The following PKD1L1 variants were observed in gnomAD, a reference collection of about 807,000 sequenced individuals.
The protein encoded by PKD1L1 is polycystin-1-like protein 1.
In PKD1L1, 236 loss-of-function variants were observed where a neutral mutation model predicts 323.4. The ratio of observed to expected loss-of-function variants is 0.73; its 90% CI spans 0.66 to 0.81. PKD1L1 has a LOEUF of 0.81. PKD1L1 is among the 40% of genes least tolerant of loss of function. The pLI, the probability that PKD1L1 is intolerant of heterozygous loss-of-function variation, is 0.00. For missense variants in PKD1L1, 3,320 were observed against 3,508.0 expected (o/e 0.95, Z 1.35); for synonymous variants, 1,344 against 1,335.0 (o/e 1.01, Z -0.15).
At chr7:47,812,180 G>A (rs978726074) in intron 49 of PKD1L1, 129 bp from the exon 50 acceptor site, 2 of 698,482 alleles carry the variant, frequency 2.9e-6, no homozygotes, top group Non-Finnish European at 4.9e-6. Context: ...CACAGTGCCT[G>A]GGCTTCAAGG....
chr7:47,798,148 A>G (rs898289566), intron 54 of PKD1L1, among the ~76,000 whole-genome samples: 17 of 152,224 alleles, frequency 1.1e-4, no homozygotes, highest in African/African-American at 3.9e-4. Flanking sequence ...TCAAAACAGA[A>G]CAAAGCTGGA....
chr7:47,785,167 C>A (rs1014552208), intron 56 of PKD1L1, among the ~76,000 whole-genome samples: 2 of 152,156 alleles, frequency 1.3e-5, no homozygotes, highest in Non-Finnish European at 2.9e-5. Flanking sequence ...CCTGAGCATA[C>A]CTCATTTGAA....
intron 56 of PKD1L1, among the ~76,000 whole-genome samples, chr7:47,781,029 G>A (rs774821379): frequency 2.9e-4 from 44 of 152,178 alleles, no homozygotes; most frequent in South Asian, 2.1e-4. Flanking sequence ...AGTAATGTAT[G>A]AGTGATGTGG....
intron 46 of PKD1L1, chr7:47,819,744 G>C (rs1785101796): frequency 2.7e-6 from 1 of 366,802 alleles, no homozygotes; most frequent in Non-Finnish European, 5.1e-6. Flanking sequence ...TCACAACACT[G>C]ACAAAGGGGA....
At chr7:47,920,341 G>C (rs760351858) in intron 7 of PKD1L1, among the ~76,000 whole-genome samples, 6 of 148,706 alleles carry the variant, frequency 4.0e-5, no homozygotes, top group Admixed American at 6.7e-5. Flanking sequence ...CCAAGGAGGT[G>C]AAAGGCCTTT....
chr7:47,915,901 A>G (rs1349020211), intron 7 of PKD1L1, among the ~76,000 whole-genome samples: 1 of 152,212 alleles, frequency 6.6e-6, no homozygotes, highest in Non-Finnish European at 1.5e-5. Context: ...TAACTAGTGG[A>G]GAAATTAAAA....
At position 47,905,363 on chromosome 7, in the gene PKD1L1, T is replaced by A. The variant is rs116654794; in HGVS notation, c.1523-38A>T. 4 of 1,596,326 alleles carry A rather than the reference T, an allele frequency of 2.5e-6. No homozygotes were observed. In the African/African-American group the frequency reaches 4.0e-5, roughly 16 times the overall value. Reference sequence around the variant, plus strand: ...AAAGGAAGGTATGTCTATGTCAACATAGGAGGGCTGGAATCTCCAGAGAAA... The same window carrying A: ...AAAGGAAGGTATGTCTATGTCAACAAAGGAGGGCTGGAATCTCCAGAGAAA... On this transcript the variant is annotated intron_variant, in intron 10 of 56. Coordinates refer to ENST00000289672, the MANE Select transcript of PKD1L1 (RefSeq NM_138295.5).
intron 32 of PKD1L1, among the ~76,000 whole-genome samples, chr7:47,845,774 T>C (rs1313741400): frequency 6.6e-6 from 1 of 151,976 alleles, no homozygotes; most frequent in African/African-American, 2.4e-5. Context: ...AGAGATGGGG[T>C]TTCGCTATGT....
At chr7:47,862,626 T>TAATAATTACCTTC (rs1270953645) in intron 26 of PKD1L1, among the ~76,000 whole-genome samples, 68 of 152,224 alleles carry the variant, frequency 4.5e-4, no homozygotes, top group African/African-American at 1.6e-3. Flanking sequence ...GAGAGGATAA[T>TAATAATTACCTTC]AATAATTACC....
At chr7:47,931,426 G>C (rs1787770043) in intron 5 of PKD1L1, 105 bp from the exon 6 acceptor site, 9 of 1,191,642 alleles carry the variant, frequency 7.6e-6, no homozygotes, top group Non-Finnish European at 1.1e-5. Flanking sequence ...CAGCCCCACT[G>C]CTACTGAGGT....
At position 47,943,428 on chromosome 7, in the gene PKD1L1, C is replaced by A. The variant is rs199842380; in HGVS notation, c.128G>T (p.Ser43Ile). The change falls in exon 2 of 57, where the codon AGC becomes ATC. Residue 43 changes from serine (S) to isoleucine (I), a missense_variant. Transcript: ENST00000289672. The part of the protein sequence containing the change: ...TDKSWGLHLC[S>I]CSPPGGGLWV... ...CAATCCACCTCCAGGAGGGCTACAGCTGCACAGATGAAGACCCCAGCTCTT... is the reference window on the plus strand; with the variant it reads ...CAATCCACCTCCAGGAGGGCTACAGATGCACAGATGAAGACCCCAGCTCTT... 6.2e-7 allele frequency: 1 copy of A among 1,613,586 alleles called. No individual in the cohort carries two copies. The highest frequency in any genetic ancestry group is 2.2e-5 in the East Asian group (1 of 44,856).
At chr7:47,838,063 T>C (rs1015880736) in intron 36 of PKD1L1, among the ~76,000 whole-genome samples, 1 of 152,238 alleles carries the variant, frequency 6.6e-6, no homozygotes, top group Non-Finnish European at 1.5e-5. Context: ...TTGTTAACTA[T>C]GGTTCCTCAG....
At chr7:47,864,104 G>C (rs1008356865) in intron 26 of PKD1L1, among the ~76,000 whole-genome samples, 1 of 152,168 alleles carries the variant, frequency 6.6e-6, no homozygotes, top group Admixed American at 6.5e-5. Flanking sequence ...TCTGGAGAAG[G>C]CAAGGTGGGC....
Position 47,803,235 on chromosome 7 carries a change from G to A in PKD1L1, c.7937C>T (p.Ser2646Leu). ...CCCTGCTACAAAGATGCTGGGGAGTGAGTGGCGCATCATGGAGGAGCAGGA... is the reference window on the plus strand; with the variant it reads ...CCCTGCTACAAAGATGCTGGGGAGTAAGTGGCGCATCATGGAGGAGCAGGA... The part of the protein sequence containing the change: ...MASCSSMMRH[S>L]LPSIFVAGLV... The change falls in exon 53 of 57, where the codon TCA becomes TTA. Residue 2646 changes from serine (S) to leucine (L), a missense_variant. Physicochemically the swap from Ser to Leu is moderately radical, Grantham distance 145. Coordinates refer to ENST00000289672, the MANE Select transcript of PKD1L1 (RefSeq NM_138295.5). 6.2e-7 allele frequency: 1 copy of A among 1,614,146 alleles called. No individual in the cohort carries two copies. Among genetic ancestry groups the A allele is most frequent in the Non-Finnish European group, 8.5e-7 (1 of 1,180,018 alleles).
At chr7:47,788,780 G>A (rs959169516) in intron 56 of PKD1L1, among the ~76,000 whole-genome samples, 3 of 151,126 alleles carry the variant, frequency 2.0e-5, no homozygotes, top group African/African-American at 7.3e-5. Flanking sequence ...TGTATTTTTA[G>A]TAGAGATGGG....
In PKD1L1 at chr7:47,908,374, C is replaced by T; in HGVS notation, c.1229-124G>A. The stretch of plus-strand genomic sequence containing the variant: ...AACTGATACAGGAGAGGTGATCTTT[C>T]TTGTCTCTTGTAGCAGCAGGGCCAT... On this transcript the variant is annotated intron_variant, in intron 8 of 56. Transcript: ENST00000289672. 8.7e-6 allele frequency: 8 copies of T among 921,068 alleles called. No individual in the cohort carries two copies. The South Asian group carries it at 1.4e-4, about 16-fold the overall frequency. The allele number at this position is 921,068 out of a possible 1,614,324, so 57.1% of individuals were successfully genotyped here.
At chr7:47,920,619 T>A (rs553111521) in intron 7 of PKD1L1, among the ~76,000 whole-genome samples, 51 of 152,248 alleles carry the variant, frequency 3.3e-4, no homozygotes, top group Non-Finnish European at 6.5e-4. Flanking sequence ...TCTGGAGGCA[T>A]CACATTACCT....
chr7:47,898,130 G>GA lies in PKD1L1; in HGVS notation c.2128dup (p.Ser710PhefsTer14). ...GTTCCAGGTGTAAGAAAGACCTTGG[G>GA]AAATATCACAGAAGACTGCAGCTTC... On this transcript the variant is annotated frameshift_variant, in exon 14 of 57. Transcript: ENST00000289672. LOFTEE classifies it high-confidence loss of function. 6.2e-7 allele frequency: 1 copy of GA among 1,614,148 alleles called. No homozygotes were observed. Among genetic ancestry groups the GA allele is most frequent in the Non-Finnish European group, 8.5e-7 (1 of 1,180,024 alleles).
At chr7:47,823,969 A>T (rs1000205364) in intron 45 of PKD1L1, among the ~76,000 whole-genome samples, 1 of 152,222 alleles carries the variant, frequency 6.6e-6, no homozygotes, top group Admixed American at 6.5e-5. Flanking sequence ...GTAGTTTCTA[A>T]TCTTGATGTC....
Sources: gnomAD v4.1 joint callset for allele counts (sites outside exome capture counted in the v4.1 genomes callset) on GRCh38, gnomAD v4.1.1 for gene constraint, MANE v1.5 for transcripts, NCBI Gene and HGNC (gene_info 2026-07-23, HGNC 2026-07-21) for gene names.